SEC14L1: variants seen among roughly 807,000 people sequenced by gnomAD.
SEC14L1 encodes SEC14-like protein 1.
A neutral mutation model predicts 85.3 loss-of-function variants in SEC14L1; 48 were observed. The observed-to-expected ratio is 0.56, with a 90% CI of 0.45 to 0.72. The LOEUF (loss-of-function observed/expected upper bound fraction) is 0.72, where lower values mean the gene tolerates loss of function less well. Among genes scored for constraint, SEC14L1 ranks in the 30% least tolerant of loss-of-function variants. The pLI is 0.00. For synonymous variants in SEC14L1, 391 were observed against 355.5 expected, an observed-to-expected ratio of 1.10 and a Z score of -1.12; for missense variants, 682 against 921.4, an observed-to-expected ratio of 0.74 and a Z score of 3.36.
At chr17:77,143,186 G>C (rs767398481) in intron 2 of SEC14L1, among the ~76,000 whole-genome samples, 17 of 152,144 alleles carry the variant, frequency 1.1e-4, no homozygotes, top group Admixed American at 2.0e-4. Flanking sequence ...AGTAGAAGTT[G>C]TTTAAGAGAA....
Position 77,142,660 on chromosome 17 carries a change from C to T in SEC14L1, c.-121C>T, listed in dbSNP as rs1973113852. The T allele has an allele frequency of 6.6e-6, 1 of 151,306 alleles. No individual in the cohort carries two copies. Among genetic ancestry groups the T allele is most frequent in the African/African-American group, 2.4e-5 (1 of 41,122 alleles). The allele number at this position is 151,306 out of a possible 1,614,324, so 9.4% of individuals were successfully genotyped here. A position where few individuals can be genotyped will look rare whatever the true frequency, so the allele number is the denominator to read the frequency against. The stretch of plus-strand genomic sequence containing the variant: ...TTTTTTAACAGCTAGACTTCGGGCT[C>T]CTTGAGGATATTCAGTTTTGTATGT... On this transcript the variant is annotated 5_prime_UTR_variant, in exon 2 of 17. Transcript: ENST00000436233.
intron 9 of SEC14L1, among the ~76,000 whole-genome samples, chr17:77,201,933 A>ATGCTGGGACGACAC (rs1976169018): frequency 6.6e-6 from 1 of 152,138 alleles, no homozygotes; most frequent in Non-Finnish European, 1.5e-5. Flanking sequence ...CCTCTGCCCC[A>ATGCTGGGACGACAC]TGCTGGGACG....
chr17:77,112,314 T>G (rs1972066336), intron 3 of SEC14L1, among the ~76,000 whole-genome samples: 1 of 152,162 alleles, frequency 6.6e-6, no homozygotes, highest in Non-Finnish European at 1.5e-5. Flanking sequence ...GAGAACAGAC[T>G]AATGCAGGGG....
intron 3 of SEC14L1, among the ~76,000 whole-genome samples, chr17:77,159,157 C>T (rs1812380589): frequency 2.9e-4 from 1 of 3,414 alleles, no homozygotes; most frequent in African/African-American, 1.4e-3. Flanking sequence ...GCCTCCACCT[C>T]CTGGGTCAAG....
chr17:77,128,377 T>A (rs944041539), intron 3 of SEC14L1, among the ~76,000 whole-genome samples: 2 of 129,716 alleles, frequency 1.5e-5, no homozygotes, highest in African/African-American at 2.8e-5. Flanking sequence ...AAGTTATGCA[T>A]TCACACTTGA....
chr17:77,190,856 T>C lies in SEC14L1; in HGVS notation c.117T>C (p.Ser39=), dbSNP rs145418387. 4.6e-5 allele frequency: 74 copies of C among 1,614,242 alleles called. No homozygotes were observed. Among genetic ancestry groups the C allele is most frequent in the Non-Finnish European group, 6.3e-5 (74 of 1,180,034 alleles). ...CTTTGATTCCGATGTTCGTGGGCAG[T>C]GACACTGTGAATGAATTCAAGAGCG... is the stretch of plus-strand genomic sequence containing the variant. ...TCPLIPMFVG[S]DTVNEFKSED... is the part of the protein sequence containing the mutation. Residue 39 remains serine (S), a synonymous_variant, in exon 4 of 17, where the codon AGT becomes AGC. Transcript: ENST00000436233.
At chr17:77,140,665 G>GCCCGGC (rs1972957926), upstream of SEC14L1, 2 of 150,992 alleles carry the variant, frequency 1.3e-5, no homozygotes, top group Non-Finnish European at 3.0e-5. Context: ...GCGAAGCCCA[G>GCCCGGC]CCCGGCCCCG....
At chr17:77,207,296 C>T (rs960351429) in intron 13 of SEC14L1, among the ~76,000 whole-genome samples, 6 of 135,598 alleles carry the variant, frequency 4.4e-5, no homozygotes, top group Non-Finnish European at 8.0e-5. Flanking sequence ...TGCAGTGGTG[C>T]GATCACAGCT....
chr17:77,161,261 C>T (rs1974040668), intron 3 of SEC14L1, among the ~76,000 whole-genome samples: 1 of 152,178 alleles, frequency 6.6e-6, no homozygotes, highest in African/African-American at 2.4e-5. Context: ...CCAAGGCAGG[C>T]AGATAACTGG....
At chr17:77,191,587 G>A (rs1975541416) in intron 5 of SEC14L1, among the ~76,000 whole-genome samples, 2 of 151,948 alleles carry the variant, frequency 1.3e-5, no homozygotes, top group South Asian at 4.2e-4. Flanking sequence ...CTGTCGCCCA[G>A]GCCGGAGTGC....
intron 2 of SEC14L1, chr17:77,093,227 T>C (rs1460850822): frequency 1.3e-5 from 2 of 152,226 alleles, no homozygotes; most frequent in African/African-American, 4.8e-5. Context: ...AACTGATGCA[T>C]ATACTTTTCT....
intron 3 of SEC14L1, among the ~76,000 whole-genome samples, chr17:77,125,118 C>G (rs1045337936): frequency 6.6e-6 from 1 of 151,894 alleles, no homozygotes; most frequent in African/African-American, 2.4e-5. Flanking sequence ...GATTCTCCTG[C>G]CTCAGCCTCC....
chr17:77,187,737 ATT>A (rs34369532), intron 3 of SEC14L1, among the ~76,000 whole-genome samples: 27 of 135,070 alleles, frequency 2.0e-4, no homozygotes, highest in Admixed American at 2.3e-4. Context: ...GGCTACTGGA[ATT>A]TTTTTTTTTT....
At position 77,214,794 on chromosome 17, in the gene SEC14L1, C is replaced by G. The variant is rs1976957897; in HGVS notation, c.*771C>G. 4.1e-6 allele frequency: 4 copies of G among 985,546 alleles called. No homozygotes were observed. In the South Asian group the frequency reaches 1.9e-4, roughly 46 times the overall value. The allele number at this position is 985,546 out of a possible 1,614,324, so 61.1% of individuals were successfully genotyped here. On this transcript the variant is annotated 3_prime_UTR_variant, in exon 17 of 17. Coordinates refer to ENST00000436233, the MANE Select transcript of SEC14L1 (RefSeq NM_001143998.2). The stretch of plus-strand genomic sequence containing the variant: ...TTGGGTGGGGGGGTTCTTCCCGTTT[C>G]CTTCCGTGCGTCGCCCCTCTCACCT...
At chr17:77,120,309 G>A (rs577887221) in intron 3 of SEC14L1, among the ~76,000 whole-genome samples, 2 of 152,224 alleles carry the variant, frequency 1.3e-5, no homozygotes, top group East Asian at 1.9e-4. Context: ...TGCCACTCAC[G>A]TAGGAGCTCA....
chr17:77,163,740 T>C (rs1193447361), intron 3 of SEC14L1, among the ~76,000 whole-genome samples: 1 of 152,248 alleles, frequency 6.6e-6, no homozygotes, highest in Non-Finnish European at 1.5e-5. Flanking sequence ...ACATAGATGA[T>C]GACTTTTCTC....
At chr17:77,146,141 G>T (rs978100961) in intron 3 of SEC14L1, among the ~76,000 whole-genome samples, 2 of 152,196 alleles carry the variant, frequency 1.3e-5, no homozygotes, top group Admixed American at 1.3e-4. Context: ...TTAGGTGGGA[G>T]GCCTGACCCT....
At chr17:77,165,115 A>G (rs1313372320) in intron 3 of SEC14L1, among the ~76,000 whole-genome samples, 2 of 152,118 alleles carry the variant, frequency 1.3e-5, no homozygotes, top group Non-Finnish European at 2.9e-5. Flanking sequence ...TTTCCACTTG[A>G]CTGATATTTA....
intron 3 of SEC14L1, among the ~76,000 whole-genome samples, chr17:77,165,650 C>G (rs1010836374): frequency 1.4e-4 from 22 of 152,138 alleles, no homozygotes; most frequent in Non-Finnish European, 2.8e-4. Context: ...TTCCCAGTGC[C>G]TGAACTGAAG....
Sources: allele counts gnomAD v4.1 joint callset (sites outside exome capture counted in the v4.1 genomes callset), GRCh38; gene constraint gnomAD v4.1.1; transcripts MANE v1.5; gene names NCBI Gene and HGNC (gene_info 2026-07-23, HGNC 2026-07-21).